The following EHMT1 variants were observed in gnomAD, a reference collection of about 807,000 sequenced individuals.
The protein encoded by EHMT1 is histone-lysine N-methyltransferase EHMT1.
In EHMT1, 15 loss-of-function variants were observed where a neutral mutation model predicts 147.2. That is an observed-to-expected ratio of 0.10 (90% CI 0.07 to 0.16). EHMT1 has a LOEUF of 0.16. EHMT1 is among the 10% of genes least tolerant of loss of function. The probability of loss-of-function intolerance (pLI) is 1.00; values close to 1 mark genes in which losing one functional copy is unlikely to be tolerated. For missense variants in EHMT1, 1,587 were observed against 1,772.4 expected (o/e 0.90, Z 1.88); for synonymous variants, 795 against 709.6 (o/e 1.12, Z -1.91).
At position 137,782,400 on chromosome 9, in the gene EHMT1, G is replaced by A. The variant is rs976828902; in HGVS notation, c.2382+3G>A. 6 of 1,605,586 alleles carry A rather than the reference G, an allele frequency of 3.7e-6. No homozygotes were observed. The highest frequency in any genetic ancestry group is 1.3e-5 in the African/African-American group (1 of 74,800). ...ACATCTGCCACATGCTGGTTCAGGT[G>A]CGGCGGCACGGCGCCCTCCTAGGGC... On this transcript the variant is annotated splice_donor_region_variant and intron_variant, in intron 15 of 26. Coordinates refer to ENST00000460843, the MANE Select transcript of EHMT1 (RefSeq NM_024757.5). This position sits in a 1 kb window ranked among gnomAD's most constrained non-coding sequence, Gnocchi z 5.7.
intron 3 of EHMT1, among the ~76,000 whole-genome samples, chr9:137,725,589 G>A (rs368779739): frequency 3.3e-5 from 5 of 152,284 alleles, no homozygotes; most frequent in African/African-American, 7.2e-5. Flanking sequence ...GGTAGGTTCC[G>A]CAGTAGGGAG....
At chr9:137,743,137 A>G (rs1948247912) in intron 4 of EHMT1, 1 of 515,638 alleles carries the variant, frequency 1.9e-6, no homozygotes, top group South Asian at 2.1e-5. Context: ...TTTGTTGTGA[A>G]TGGAACAGAT....
rs1956000280 is a variant in EHMT1, at chr9:137,828,812, C to T, written c.3541-5537C>T. Among the ~76,000 whole-genome samples the T allele has an allele frequency of 6.6e-6, 1 of 152,174 alleles. No individual in the cohort carries two copies. Among genetic ancestry groups the T allele is most frequent in the Non-Finnish European group, 1.5e-5 (1 of 68,016 alleles). On this transcript the variant is annotated intron_variant, in intron 25 of 26. Transcript: ENST00000460843. The surrounding 1 kb of genome is among the most constrained non-coding windows in gnomAD (Gnocchi z 5.3). ...TGGGGCCTCATGTCTGCAATGAGCC[C>T]TTGGTGGCTCTGAGCAGTGCCAGTT...
intron 1 of EHMT1, among the ~76,000 whole-genome samples, chr9:137,648,242 A>G (rs1845047043): frequency 6.6e-6 from 1 of 152,218 alleles, no homozygotes; most frequent in Non-Finnish European, 1.5e-5. Context: ...TATAATCTTC[A>G]GCAATTAAAT....
chr9:137,799,651 C>CA (rs1953279876), intron 17 of EHMT1, among the ~76,000 whole-genome samples: 1 of 152,230 alleles, frequency 6.6e-6, no homozygotes, highest in Non-Finnish European at 1.5e-5. Context: ...GTGCCATCCT[C>CA]ACGCTCGCTC....
intron 1 of EHMT1, among the ~76,000 whole-genome samples, chr9:137,657,254 A>T (rs1268000885): frequency 6.6e-6 from 1 of 152,138 alleles, no homozygotes; most frequent in Non-Finnish European, 1.5e-5. Flanking sequence ...TCAGCTGAAG[A>T]GGGGTGATTG....
At chr9:137,655,774 C>G (rs1487064415) in intron 1 of EHMT1, among the ~76,000 whole-genome samples, 1 of 152,084 alleles carries the variant, frequency 6.6e-6, no homozygotes, top group Non-Finnish European at 1.5e-5. Context: ...GTCGCGTGCT[C>G]CTTATGAGAA....
intron 4 of EHMT1, chr9:137,738,526 AGTTCCACT>A (rs1164096951): frequency 6.6e-6 from 1 of 152,224 alleles, no homozygotes; most frequent in Non-Finnish European, 1.5e-5. Flanking sequence ...GTGATCCAGC[AGTTCCACT>A]GCTGGGCACG....
rs1225094177 is a variant in EHMT1, at chr9:137,732,838, G to A, written c.823+4309G>A. 1.3e-5 allele frequency among the ~76,000 whole-genome samples: 2 copies of A among 152,174 alleles called. No homozygotes were observed. Among genetic ancestry groups the A allele is most frequent in the Admixed American group, 1.3e-4 (2 of 15,280 alleles). On this transcript the variant is annotated intron_variant, in intron 4 of 26. Coordinates refer to ENST00000460843, the MANE Select transcript of EHMT1 (RefSeq NM_024757.5). The surrounding 1 kb of genome is among the most constrained non-coding windows in gnomAD (Gnocchi z 4.6). ...GTTGCCTCCCTGTGGGAGGGGTGTT[G>A]GAGCCAGGTTATCAAAGAAAGGCTG...
chr9:137,802,867 C>T (rs1953619070), intron 18 of EHMT1: 1 of 1,232,120 alleles, frequency 8.1e-7, no homozygotes, highest in East Asian at 3.2e-5. Flanking sequence ...GATGACGGCA[C>T]CATGAAGAGA....
At chr9:137,797,760 A>T (rs540187340) in intron 16 of EHMT1, among the ~76,000 whole-genome samples, 1 of 136,522 alleles carries the variant, frequency 7.3e-6, no homozygotes, top group Non-Finnish European at 1.6e-5. Context: ...TGCTACACGG[A>T]CTCCACCGAG....
intron 1 of EHMT1, among the ~76,000 whole-genome samples, chr9:137,658,431 G>A (rs1019044532): frequency 2.4e-4 from 37 of 151,810 alleles, no homozygotes; most frequent in African/African-American, 6.8e-4. Context: ...GATTAGAAGC[G>A]TGAGCCACCG....
Position 137,679,085 on chromosome 9 carries a change from C to T in EHMT1, c.22-31882C>T, listed in dbSNP as rs560842604. Among the ~76,000 whole-genome samples the T allele has an allele frequency of 1.8e-4, 27 of 152,234 alleles. 1 individual carries two copies. Among genetic ancestry groups the T allele is most frequent in the Middle Eastern group, 6.8e-3 (2 of 294 alleles). Reference sequence around the variant, plus strand: ...TCTCCTGCCTCAGCCTCCTGGGTAGCTGGGACTACAGGCACACGCCATGCC... The same window carrying T: ...TCTCCTGCCTCAGCCTCCTGGGTAGTTGGGACTACAGGCACACGCCATGCC... On this transcript the variant is annotated intron_variant, in intron 1 of 26. Transcript: ENST00000460843.
At chr9:137,758,099 G>C in intron 9 of EHMT1, 88 bp downstream of exon 9, 1 of 1,560,104 alleles carries the variant, frequency 6.4e-7, no homozygotes, top group Non-Finnish European at 8.8e-7. Flanking sequence ...GATGCCCCTT[G>C]GTGGACACTA....
At chr9:137,651,815 T>C (rs1045635377) in intron 1 of EHMT1, among the ~76,000 whole-genome samples, 2 of 151,974 alleles carry the variant, frequency 1.3e-5, no homozygotes, top group Non-Finnish European at 2.9e-5. Flanking sequence ...AAAAAGATTG[T>C]AGTGGAGCCG....
intron 1 of EHMT1, 34 bp downstream of exon 1, chr9:137,619,083 G>GGCGGCGGGCA (rs888511062): frequency 7.9e-5 from 62 of 780,578 alleles, no homozygotes; most frequent in Non-Finnish European, 9.4e-5. Flanking sequence ...GCGGCGCGGG[G>GGCGGCGGGCA]GCGGCGGGCA....
chr9:137,796,249 T>C (rs1325156026), intron 16 of EHMT1, among the ~76,000 whole-genome samples: 2 of 152,140 alleles, frequency 1.3e-5, no homozygotes, highest in Non-Finnish European at 2.9e-5. Flanking sequence ...AAGCGTCTTT[T>C]AAGACACAAA....
At chr9:137,696,732 C>T (rs892109725) in intron 1 of EHMT1, among the ~76,000 whole-genome samples, 2 of 152,074 alleles carry the variant, frequency 1.3e-5, no homozygotes, top group African/African-American at 2.4e-5. Flanking sequence ...CATGTCTTGC[C>T]GTCATGGGGG....
chr9:137,809,157 G>GAAA (rs942077552), intron 18 of EHMT1, among the ~76,000 whole-genome samples: 2 of 152,194 alleles, frequency 1.3e-5, no homozygotes, highest in Non-Finnish European at 2.9e-5. Flanking sequence ...TTCTCTTTTA[G>GAAA]AAGTCAAGGG....
Sources: allele counts gnomAD v4.1 joint callset (sites outside exome capture counted in the v4.1 genomes callset), GRCh38; gene constraint gnomAD v4.1.1; non-coding constraint Gnocchi (gnomAD v3.1); transcripts MANE v1.5; gene names NCBI Gene and HGNC (gene_info 2026-07-23, HGNC 2026-07-21).